Variants in ADAMTS19 observed in about 807,000 individuals in gnomAD.
ADAMTS19 encodes the protein ADAM metallopeptidase with thrombospondin type 1 motif 19.
A neutral mutation model predicts 153.3 loss-of-function variants in ADAMTS19; 93 were observed. The ratio of observed to expected loss-of-function variants is 0.61; its 90% CI spans 0.51 to 0.72. ADAMTS19 has a LOEUF of 0.72. Ranked by LOEUF, ADAMTS19 falls within the 30% of genes least tolerant of loss-of-function variation. ADAMTS19 has a pLI of 0.00. For synonymous variants in ADAMTS19, 600 were observed against 556.6 expected, an observed-to-expected ratio of 1.08 and a Z score of -1.10; for missense variants, 1,482 against 1,552.1, an observed-to-expected ratio of 0.95 and a Z score of 0.76.
intron 7 of ADAMTS19, among the ~76,000 whole-genome samples, chr5:129,578,172 AC>A (rs1434694198): frequency 2.7e-5 from 2 of 73,780 alleles, no homozygotes; most frequent in African/African-American, 4.3e-5. Flanking sequence ...ACGTACATAT[AC>A]CTATATGCAT....
chr5:129,687,432 A>ACTTGTCAGT (rs1174429102), intron 18 of ADAMTS19, among the ~76,000 whole-genome samples: 2 of 152,168 alleles, frequency 1.3e-5, no homozygotes, highest in Non-Finnish European at 2.9e-5. Flanking sequence ...AACATACAGA[A>ACTTGTCAGT]CTTGTCAGTC....
intron 11 of ADAMTS19, among the ~76,000 whole-genome samples, chr5:129,643,768 T>A (rs553863592): frequency 4.6e-4 from 70 of 152,252 alleles, no homozygotes; most frequent in African/African-American, 1.7e-3. Flanking sequence ...AGCATCAGAA[T>A]TTGGGTCTGT....
Position 129,676,536 on chromosome 5 carries a change from A to T in ADAMTS19, c.2507-3228A>T, listed in dbSNP as rs186329062. Among the ~76,000 whole-genome samples the T allele has an allele frequency of 2.0e-5, 3 of 152,156 alleles. No homozygotes were observed. The East Asian group carries it at 5.8e-4, about 30-fold the overall frequency. On this transcript the variant is annotated intron_variant, in intron 16 of 22. Coordinates refer to ENST00000274487, the MANE Select transcript of ADAMTS19 (RefSeq NM_133638.6). ...GGGGGTCTGGTAAATATTTTCAAGC[A>T]GAAAGCCAAGCAGTTTTAGAGATCA...
intron 8 of ADAMTS19, among the ~76,000 whole-genome samples, chr5:129,619,568 A>G (rs1164622210): frequency 6.6e-6 from 1 of 152,104 alleles, no homozygotes; most frequent in Non-Finnish European, 1.5e-5. Context: ...TGTCTTATGG[A>G]TAATGAGAAA....
At position 129,510,573 on chromosome 5, in the gene ADAMTS19, G is replaced by T. The variant is rs191493391; in HGVS notation, c.913+1331G>T. On this transcript the variant is annotated intron_variant, in intron 3 of 22. Coordinates refer to ENST00000274487, the MANE Select transcript of ADAMTS19 (RefSeq NM_133638.6). ...AGCATTACGAACAAGCAAAAGAAAA[G>T]CTTCTGTATTGGGAAATGATAAAAA... 1.2e-3 allele frequency among the ~76,000 whole-genome samples: 181 copies of T among 151,788 alleles called. 1 individual carries two copies. The highest frequency in any genetic ancestry group is 4.2e-3 in the African/African-American group (174 of 41,484).
intron 2 of ADAMTS19, among the ~76,000 whole-genome samples, chr5:129,502,564 G>A (rs978379940): frequency 1.3e-5 from 2 of 152,106 alleles, no homozygotes; most frequent in Admixed American, 1.3e-4. Context: ...GGAGCCCTTT[G>A]GCTAGGAAAG....
intron 10 of ADAMTS19, among the ~76,000 whole-genome samples, chr5:129,625,942 A>G (rs987456176): frequency 6.6e-6 from 1 of 151,920 alleles, no homozygotes; most frequent in African/African-American, 2.4e-5. Flanking sequence ...GAATGGTATT[A>G]CCTAGGTTTT....
At chr5:129,486,921 A>G (rs1247251318) in intron 2 of ADAMTS19, among the ~76,000 whole-genome samples, 1 of 152,218 alleles carries the variant, frequency 6.6e-6, no homozygotes, top group African/African-American at 2.4e-5. Context: ...CACAGGATGC[A>G]ATGCCGGTTC....
At chr5:129,634,103 C>T (rs1175495657) in intron 10 of ADAMTS19, among the ~76,000 whole-genome samples, 1 of 152,272 alleles carries the variant, frequency 6.6e-6, no homozygotes, top group East Asian at 1.9e-4. Flanking sequence ...CAGGTTAAAG[C>T]TGCAAAGATG....
At chr5:129,621,031 G>A (rs1751755880) in intron 9 of ADAMTS19, among the ~76,000 whole-genome samples, 1 of 152,114 alleles carries the variant, frequency 6.6e-6, no homozygotes, top group Non-Finnish European at 1.5e-5. Flanking sequence ...ATCTGTCACA[G>A]TATTTAATTG....
intron 11 of ADAMTS19, among the ~76,000 whole-genome samples, chr5:129,643,404 A>G (rs1167769962): frequency 6.6e-6 from 1 of 151,210 alleles, no homozygotes; most frequent in African/African-American, 2.4e-5. Flanking sequence ...AAAAGAAAAT[A>G]TAAACACAAA....
chr5:129,688,765 TA>T (rs1181809580), intron 18 of ADAMTS19, among the ~76,000 whole-genome samples: 1 of 152,220 alleles, frequency 6.6e-6, no homozygotes, highest in Non-Finnish European at 1.5e-5. Context: ...TTTTGTATTT[TA>T]ACATCAGTCA....
At chr5:129,698,753 G>C (rs553537637) in intron 19 of ADAMTS19, among the ~76,000 whole-genome samples, 6 of 152,292 alleles carry the variant, frequency 3.9e-5, no homozygotes, top group Admixed American at 3.3e-4. Flanking sequence ...AGTTGGAAAA[G>C]ATATGTAGAT....
intron 6 of ADAMTS19, among the ~76,000 whole-genome samples, chr5:129,534,824 A>G (rs1581051361): frequency 6.6e-6 from 1 of 152,216 alleles, no homozygotes; most frequent in Admixed American, 6.5e-5. Context: ...GACAAAAACC[A>G]CATGATTATC....
intron 18 of ADAMTS19, among the ~76,000 whole-genome samples, chr5:129,687,403 G>T (rs1052115335): frequency 6.6e-6 from 1 of 152,130 alleles, no homozygotes; most frequent in African/African-American, 2.4e-5. Flanking sequence ...TCTAATAGAA[G>T]CTGCATCAGA....
At chr5:129,684,401 GT>G in intron 18 of ADAMTS19, 128 bp downstream of exon 18, 3 of 1,223,404 alleles carry the variant, frequency 2.5e-6, no homozygotes, top group Non-Finnish European at 3.3e-6. Context: ...GAAATGGAAA[GT>G]TTTATATGAT....
rs546564576 is a variant in ADAMTS19, at chr5:129,522,566, A to G, written c.914-3718A>G. On this transcript the variant is annotated intron_variant, in intron 3 of 22. Coordinates refer to ENST00000274487, the MANE Select transcript of ADAMTS19 (RefSeq NM_133638.6). ...ACTTTGTTAACTGATTATACATGAT[A>G]TTTGAGTAAAACTGGATTTATTACA... is the stretch of plus-strand genomic sequence containing the variant. 4.6e-5 allele frequency among the ~76,000 whole-genome samples: 7 copies of G among 151,852 alleles called. No individual in the cohort carries two copies. The South Asian group carries it at 1.5e-3, about 32-fold the overall frequency.
At chr5:129,586,340 G>T (rs530081351) in intron 7 of ADAMTS19, among the ~76,000 whole-genome samples, 3 of 151,954 alleles carry the variant, frequency 2.0e-5, no homozygotes, top group African/African-American at 7.3e-5. Context: ...TCCTTCTTCC[G>T]CTCTTAATCC....
intron 8 of ADAMTS19, among the ~76,000 whole-genome samples, chr5:129,599,197 T>C (rs1039767297): frequency 6.6e-6 from 1 of 152,192 alleles, no homozygotes; most frequent in Non-Finnish European, 1.5e-5. Context: ...CTATAGATTC[T>C]TAATTCCAAA....
Sources: allele counts gnomAD v4.1 joint callset (sites outside exome capture counted in the v4.1 genomes callset), GRCh38; gene constraint gnomAD v4.1.1; transcripts MANE v1.5; gene names NCBI Gene and HGNC (gene_info 2026-07-23, HGNC 2026-07-21).